AGBL3: variants seen among roughly 807,000 people sequenced by gnomAD.
The protein encoded by AGBL3 is cytosolic carboxypeptidase 3.
A neutral mutation model predicts 94.5 loss-of-function variants in AGBL3; 68 were observed. The ratio of observed to expected loss-of-function variants is 0.72; its 90% CI spans 0.59 to 0.88. The LOEUF (loss-of-function observed/expected upper bound fraction) is 0.88. AGBL3 is among the 40% of genes least tolerant of loss of function. AGBL3 has a pLI of 0.00. For missense variants in AGBL3, 934 were observed against 1,103.8 expected (o/e 0.85, Z 2.18); for synonymous variants, 354 against 370.7 (o/e 0.95, Z 0.52).
chr7:135,093,632 A>G (rs1216879992), intron 15 of AGBL3: 1 of 152,210 alleles, frequency 6.6e-6, no homozygotes, highest in East Asian at 1.9e-4. Flanking sequence ...AAATGGCAAG[A>G]TAACTCTGGT....
intron 8 of AGBL3, 122 bp downstream of exon 8, chr7:135,037,702 T>G: frequency 1.3e-6 from 1 of 743,934 alleles, no homozygotes; most frequent in Non-Finnish European, 2.0e-6. Flanking sequence ...TTGACCAGTT[T>G]ATACAATTGA....
At chr7:134,991,604 C>A (rs1195708532) in intron 3 of AGBL3, among the ~76,000 whole-genome samples, 1 of 152,078 alleles carries the variant, frequency 6.6e-6, no homozygotes, top group Non-Finnish European at 1.5e-5. Context: ...TCTGTCTGTA[C>A]TGAGAACGCC....
intron 16 of AGBL3, among the ~76,000 whole-genome samples, chr7:135,117,847 A>G (rs1826546877): frequency 6.6e-6 from 1 of 152,176 alleles, no homozygotes; most frequent in Non-Finnish European, 1.5e-5. Flanking sequence ...CAAAAGCTGC[A>G]TTTGTAATTA....
chr7:135,013,840 T>C (rs1813442845), intron 4 of AGBL3, among the ~76,000 whole-genome samples: 1 of 152,070 alleles, frequency 6.6e-6, no homozygotes, highest in African/African-American at 2.4e-5. Context: ...TATATTTTCT[T>C]AGCATATGCC....
intron 4 of AGBL3, among the ~76,000 whole-genome samples, chr7:135,008,790 A>C (rs1201425084): frequency 1.3e-5 from 2 of 152,232 alleles, no homozygotes; most frequent in Admixed American, 6.5e-5. Context: ...TTACAACTCA[A>C]TATTAAAAAG....
At chr7:135,017,890 T>C (rs1813987502) in intron 5 of AGBL3, among the ~76,000 whole-genome samples, 1 of 152,194 alleles carries the variant, frequency 6.6e-6, no homozygotes, top group African/African-American at 2.4e-5. Context: ...TGGAGAGGAA[T>C]ACCTATGATT....
chr7:135,054,563 G>A (rs1346085296), intron 11 of AGBL3, among the ~76,000 whole-genome samples: 1 of 152,096 alleles, frequency 6.6e-6, no homozygotes, highest in Admixed American at 6.6e-5. Flanking sequence ...AAGGTGTGTT[G>A]TTTAATGAAA....
chr7:135,058,681 A>G (rs187200856), intron 11 of AGBL3, among the ~76,000 whole-genome samples: 26 of 152,128 alleles, frequency 1.7e-4, no homozygotes, highest in Admixed American at 9.2e-4. Flanking sequence ...CCAAACCTTT[A>G]TATCTTTCCA....
intron 13 of AGBL3, among the ~76,000 whole-genome samples, chr7:135,077,383 C>A (rs543045329): frequency 6.6e-6 from 1 of 152,104 alleles, no homozygotes; most frequent in Non-Finnish European, 1.5e-5. Context: ...CTACTGCCTC[C>A]CCTCCACCTA....
At chr7:135,070,222 G>C (rs1819757478) in intron 12 of AGBL3, among the ~76,000 whole-genome samples, 1 of 152,134 alleles carries the variant, frequency 6.6e-6, no homozygotes, top group Non-Finnish European at 1.5e-5. Flanking sequence ...CTGAAATGGA[G>C]GCAATAATTA....
intron 12 of AGBL3, among the ~76,000 whole-genome samples, chr7:135,070,283 T>A (rs549361412): frequency 6.6e-6 from 1 of 152,242 alleles, no homozygotes; most frequent in African/African-American, 2.4e-5. Context: ...CACAGCCGAA[T>A]TCTACCAGAT....
chr7:135,110,905 G>A (rs919196304), intron 15 of AGBL3, among the ~76,000 whole-genome samples: 1 of 152,104 alleles, frequency 6.6e-6, no homozygotes, highest in African/African-American at 2.4e-5. Flanking sequence ...CCCTATCTTA[G>A]ATTACAGAGC....
At chr7:135,062,839 T>C (rs773549713) in intron 12 of AGBL3, among the ~76,000 whole-genome samples, 1 of 152,142 alleles carries the variant, frequency 6.6e-6, no homozygotes, top group Non-Finnish European at 1.5e-5. Context: ...GTAGTTTACT[T>C]GTCTGGCTTT....
chr7:135,022,081 G>T (rs754984534), intron 5 of AGBL3, among the ~76,000 whole-genome samples: 13 of 152,098 alleles, frequency 8.5e-5, no homozygotes, highest in Non-Finnish European at 1.8e-4. Flanking sequence ...TGGACATTTG[G>T]GTTGGTTCCA....
chr7:135,131,255 T>G (rs1168243632), intron 16 of AGBL3, among the ~76,000 whole-genome samples: 2 of 151,562 alleles, frequency 1.3e-5, no homozygotes, highest in Non-Finnish European at 2.9e-5. Context: ...TAAGTGGGAG[T>G]TGAACAGTGA....
intron 15 of AGBL3, among the ~76,000 whole-genome samples, chr7:135,099,505 A>T (rs1013397508): frequency 5.3e-5 from 8 of 152,204 alleles, no homozygotes; most frequent in African/African-American, 1.9e-4. Flanking sequence ...CAGATATTTT[A>T]TGGTATATTC....
At chr7:135,016,747 TG>T (rs1196004777) in intron 4 of AGBL3, among the ~76,000 whole-genome samples, 3 of 152,062 alleles carry the variant, frequency 2.0e-5, no homozygotes, top group Non-Finnish European at 2.9e-5. Context: ...TGAGACAGAA[TG>T]GTATCAAGGG....
intron 5 of AGBL3, among the ~76,000 whole-genome samples, chr7:135,021,156 T>A (rs1814396164): frequency 6.6e-6 from 1 of 152,218 alleles, no homozygotes; most frequent in Admixed American, 6.5e-5. Context: ...AGACACTTCA[T>A]TCTGTTCCAT....
rs550253926 is a variant in AGBL3, at chr7:135,112,107, A to G, written c.2111-3273A>G. Among the ~76,000 whole-genome samples, 4 of 152,288 alleles carry G rather than the reference A, an allele frequency of 2.6e-5. No homozygotes were observed. In the South Asian group the frequency reaches 8.3e-4, roughly 32 times the overall value. On this transcript the variant is annotated intron_variant, in intron 15 of 16. Transcript: ENST00000436302. ...TCTTTAATAACATGAAGCTCTATCC[A>G]TTCTACCTCTAAAGATTCTCTTGAA...
Sources: gnomAD v4.1 joint callset for allele counts (sites outside exome capture counted in the v4.1 genomes callset) on GRCh38, gnomAD v4.1.1 for gene constraint, MANE v1.5 for transcripts, NCBI Gene and HGNC (gene_info 2026-07-23, HGNC 2026-07-21) for gene names.